RBFOX1: variants seen among roughly 807,000 people sequenced by gnomAD.
The protein encoded by RBFOX1 is RNA binding protein fox-1 homolog 1.
RBFOX1 carries 8 observed loss-of-function variants against 57.7 expected under a neutral mutation model. That is an observed-to-expected ratio of 0.14 (90% CI 0.08 to 0.25). RBFOX1 has a LOEUF of 0.25. RBFOX1 is among the 10% of genes least tolerant of loss of function. RBFOX1 has a pLI of 1.00. For synonymous variants in RBFOX1, 326 were observed against 222.4 expected, an observed-to-expected ratio of 1.47 and a Z score of -4.15; for missense variants, 611 against 548.5, an observed-to-expected ratio of 1.11 and a Z score of -1.14.
chr16:7,139,990 CTGCAG>C (rs1475464489), intron 4 of RBFOX1, among the ~76,000 whole-genome samples: 1 of 152,070 alleles, frequency 6.6e-6, no homozygotes, highest in East Asian at 1.9e-4. Flanking sequence ...CAAGTCAAGA[CTGCAG>C]TGGATCCCAG....
At chr16:7,004,783 T>A (rs1334859748) in intron 3 of RBFOX1, among the ~76,000 whole-genome samples, 1 of 152,164 alleles carries the variant, frequency 6.6e-6, no homozygotes, top group African/African-American at 2.4e-5. Context: ...CAGATTAAGA[T>A]AACCTAATCC....
chr16:6,413,356 G>T (rs1207354591), intron 2 of RBFOX1, among the ~76,000 whole-genome samples: 1 of 151,514 alleles, frequency 6.6e-6, no homozygotes, highest in Non-Finnish European at 1.5e-5. Flanking sequence ...GAGATAGGGG[G>T]TCTTGCTCTG....
At chr16:6,220,788 T>G (rs1189175604) in intron 1 of RBFOX1, among the ~76,000 whole-genome samples, 2 of 151,928 alleles carry the variant, frequency 1.3e-5, no homozygotes, top group African/African-American at 4.8e-5. Context: ...AGCATTAAAT[T>G]TGTGGTGCCT....
In RBFOX1 at chr16:7,703,144, G is replaced by C. The variant is rs1027016875; in HGVS notation, c.996-5912G>C. ...TGGTGCCCTGTTGCTATGCTGTACG[G>C]TAAGTGTGCGACTTGCATGGATTCA... is the stretch of plus-strand genomic sequence containing the variant. On this transcript the variant is annotated intron_variant, in intron 14 of 15. Transcript: ENST00000550418. 9.2e-5 allele frequency among the ~76,000 whole-genome samples: 14 copies of C among 152,226 alleles called. No homozygotes were observed. In the East Asian group the frequency reaches 2.1e-3, roughly 23 times the overall value.
At chr16:7,185,731 G>C (rs926409527) in intron 4 of RBFOX1, among the ~76,000 whole-genome samples, 1 of 152,144 alleles carries the variant, frequency 6.6e-6, no homozygotes, top group African/African-American at 2.4e-5. Flanking sequence ...GGTAAATGAG[G>C]CACATAAATG....
intron 3 of RBFOX1, among the ~76,000 whole-genome samples, chr16:5,730,664 C>T (rs1266174876): frequency 2.0e-5 from 3 of 151,610 alleles, no homozygotes; most frequent in African/African-American, 7.3e-5. Flanking sequence ...ATCGTTATTA[C>T]CACTGCTGTT....
At chr16:5,392,804 A>C (rs1294644865) in intron 1 of RBFOX1, among the ~76,000 whole-genome samples, 2 of 152,036 alleles carry the variant, frequency 1.3e-5, no homozygotes, top group Non-Finnish European at 2.9e-5. Context: ...CTCGCCCCTG[A>C]CCCTGTGGGC....
chr16:5,403,936 G>GAC (rs1431915424), intron 1 of RBFOX1, among the ~76,000 whole-genome samples: 2 of 151,968 alleles, frequency 1.3e-5, no homozygotes, highest in Non-Finnish European at 2.9e-5. Flanking sequence ...GGCCTGGGAA[G>GAC]ACACCTCTGG....
At chr16:7,349,921 T>C (rs1345426059) in intron 4 of RBFOX1, among the ~76,000 whole-genome samples, 2 of 152,016 alleles carry the variant, frequency 1.3e-5, no homozygotes, top group African/African-American at 4.8e-5. Flanking sequence ...CCGAGGTGGG[T>C]GGATCACTTG....
chr16:6,884,003 C>G (rs548900567), intron 3 of RBFOX1, among the ~76,000 whole-genome samples: 5 of 152,250 alleles, frequency 3.3e-5, no homozygotes, highest in African/African-American at 7.2e-5. Context: ...GGGAGTCACA[C>G]ACAAGGAGGG....
intron 3 of RBFOX1, among the ~76,000 whole-genome samples, chr16:6,832,220 A>C (rs2097717649): frequency 6.6e-6 from 1 of 152,188 alleles, no homozygotes; most frequent in Admixed American, 6.5e-5. Context: ...GTGAATAAAT[A>C]AGCAGGAGTT....
chr16:6,441,063 C>T (rs554822410), intron 2 of RBFOX1, among the ~76,000 whole-genome samples: 1 of 151,818 alleles, frequency 6.6e-6, no homozygotes, highest in Admixed American at 6.6e-5. Flanking sequence ...GTGCACCGTC[C>T]AAGAGTGATG....
At position 7,447,341 on chromosome 16, in the gene RBFOX1, A is replaced by T. The variant is rs369263039; in HGVS notation, c.28-70806A>T. Among the ~76,000 whole-genome samples the T allele has an allele frequency of 4.2e-4, 64 of 151,364 alleles. 1 individual carries two copies. The East Asian group carries it at 0.011, about 27-fold the overall frequency. On this transcript the variant is annotated intron_variant, in intron 4 of 15. Transcript: ENST00000550418. ...CTAGCTACTTGGGAGGCTGAGGCAGAAGAATTGCTTGAGCCTGGGAGACGG... is the reference window on the plus strand; with the variant it reads ...CTAGCTACTTGGGAGGCTGAGGCAGTAGAATTGCTTGAGCCTGGGAGACGG...
At chr16:5,731,025 G>A (rs1482537293) in intron 3 of RBFOX1, among the ~76,000 whole-genome samples, 7 of 146,112 alleles carry the variant, frequency 4.8e-5, no homozygotes, top group South Asian at 4.4e-4. Flanking sequence ...CAATGTAACC[G>A]TCATCACCAT....
chr16:5,727,997 G>T, intron 3 of RBFOX1, among the ~76,000 whole-genome samples: 2 of 152,266 alleles, frequency 1.3e-5, no homozygotes, highest in Middle Eastern at 6.8e-3. Context: ...TCCTCTCTCT[G>T]TTTCTATCAG....
intron 2 of RBFOX1, among the ~76,000 whole-genome samples, chr16:6,464,231 C>A (rs1317562984): frequency 6.6e-6 from 1 of 152,092 alleles, no homozygotes; most frequent in Non-Finnish European, 1.5e-5. Context: ...TTGCTAATAG[C>A]CATTTTGGTA....
intron 3 of RBFOX1, among the ~76,000 whole-genome samples, chr16:5,718,825 C>T (rs1032114227): frequency 1.3e-5 from 2 of 152,118 alleles, no homozygotes; most frequent in African/African-American, 4.8e-5. Flanking sequence ...AGGAGAATCG[C>T]TTGAACCTGG....
chr16:6,602,970 A>G (rs1251639668), intron 2 of RBFOX1, among the ~76,000 whole-genome samples: 1 of 152,152 alleles, frequency 6.6e-6, no homozygotes, highest in Non-Finnish European at 1.5e-5. Flanking sequence ...TGCTGTTATT[A>G]CCCTTTTTCT....
chr16:7,400,218 G>A (rs1568639560), intron 4 of RBFOX1, among the ~76,000 whole-genome samples: 1 of 152,172 alleles, frequency 6.6e-6, no homozygotes, highest in Non-Finnish European at 1.5e-5. Context: ...TCCTGGGGTT[G>A]TTAAAATTGC....
Sources: allele counts gnomAD v4.1 joint callset (sites outside exome capture counted in the v4.1 genomes callset), GRCh38; gene constraint gnomAD v4.1.1; transcripts MANE v1.5; gene names NCBI Gene and HGNC (gene_info 2026-07-23, HGNC 2026-07-21).